The following UBE2R2 variants were observed in gnomAD, a reference collection of about 807,000 sequenced individuals.
The protein encoded by UBE2R2 is ubiquitin-conjugating enzyme E2 R2.
In UBE2R2, 1 loss-of-function variant was observed where a neutral mutation model predicts 27.8. That is an observed-to-expected ratio of 0.04 (90% CI 0.01 to 0.17). The LOEUF is 0.17. Ranked by LOEUF, UBE2R2 falls within the 10% of genes least tolerant of loss-of-function variation. UBE2R2 has a pLI of 1.00. For missense variants in UBE2R2, 100 were observed against 291.0 expected (o/e 0.34, Z 4.78); for synonymous variants, 106 against 113.3 (o/e 0.94, Z 0.41).
At chr9:33,826,480 C>T (rs1036435757) in intron 1 of UBE2R2, among the ~76,000 whole-genome samples, 1 of 152,064 alleles carries the variant, frequency 6.6e-6, no homozygotes, top group Non-Finnish European at 1.5e-5. Flanking sequence ...AGGCGGATCA[C>T]GAGGCCAGGA....
intron 1 of UBE2R2, among the ~76,000 whole-genome samples, chr9:33,837,889 G>A (rs1390497170): frequency 2.0e-5 from 3 of 151,932 alleles, no homozygotes; most frequent in African/African-American, 4.8e-5. Flanking sequence ...CATGGTTGTC[G>A]TTTCTCCTAT....
Position 33,817,580 on chromosome 9 carries a change from G to C in UBE2R2, c.-178G>C. On this transcript the variant is annotated 5_prime_UTR_variant, in exon 1 of 5. Coordinates refer to ENST00000263228, the MANE Select transcript of UBE2R2 (RefSeq NM_017811.4). ...GCCCGGCCTGCGTCGTGTGTGAGGA[G>C]GACCCCGGGCGGGCCCACGGGCCGT... The C allele has an allele frequency of 1.7e-6, 1 of 591,022 alleles. No individual in the cohort carries two copies. Among genetic ancestry groups the C allele is most frequent in the Non-Finnish European group, 2.2e-6 (1 of 450,618 alleles). The allele number at this position is 591,022 out of a possible 1,614,324, so 36.6% of individuals were successfully genotyped here. A position where few individuals can be genotyped will look rare whatever the true frequency, so the allele number is the denominator to read the frequency against.
intron 1 of UBE2R2, among the ~76,000 whole-genome samples, chr9:33,848,282 A>G (rs927592852): frequency 4.6e-5 from 7 of 152,164 alleles, no homozygotes; most frequent in African/African-American, 1.7e-4. Flanking sequence ...GCCAGCTCCA[A>G]TATCTGAATC....
rs773824303 is a variant in UBE2R2 at position 33,817,844 on chromosome 9, G to A, written c.87G>A (p.Arg29=). 15 of 1,612,710 alleles carry A rather than the reference G, an allele frequency of 9.3e-6. No homozygotes were observed. Among genetic ancestry groups the A allele is most frequent in the African/African-American group, 8.0e-5 (6 of 74,756 alleles). ...SLQEEPVEGF[R]ITLVDESDLY... ...AGGAGGAACCGGTGGAGGGCTTCCG[G>A]ATCACCCTGGTGGACGAGTCCGACC... Residue 29 remains arginine, a synonymous_variant, in exon 1 of 5, where the codon CGG becomes CGA. Transcript: ENST00000263228.
intron 1 of UBE2R2, among the ~76,000 whole-genome samples, chr9:33,827,463 A>T (rs895825065): frequency 9.9e-5 from 15 of 152,178 alleles, no homozygotes; most frequent in African/African-American, 3.6e-4. Flanking sequence ...CAACATGGCG[A>T]AACGCTGTCT....
intron 1 of UBE2R2, among the ~76,000 whole-genome samples, chr9:33,868,104 G>A (rs535550269): frequency 1.8e-4 from 28 of 152,302 alleles, no homozygotes; most frequent in African/African-American, 6.7e-4. Context: ...AAGGGGATGG[G>A]AAGGTGATCT....
rs1822673515 is a variant in UBE2R2, at chr9:33,917,346, G to A, written c.*109G>A. On this transcript the variant is annotated 3_prime_UTR_variant, in exon 5 of 5. Transcript: ENST00000263228. ...AGCAAAAACCTATTCACAGCGGGTG[G>A]GGAAACACACACAGCTCCTGCTGAC... 2 of 1,519,186 alleles carry A rather than the reference G, an allele frequency of 1.3e-6. No individual in the cohort carries two copies. Among genetic ancestry groups the A allele is most frequent in the African/African-American group, 1.4e-5 (1 of 72,834 alleles). The allele number at this position is 1,519,186 out of a possible 1,614,324, so 94.1% of individuals were successfully genotyped here.
intron 1 of UBE2R2, among the ~76,000 whole-genome samples, chr9:33,869,801 T>G (rs1821445647): frequency 6.6e-6 from 1 of 152,034 alleles, no homozygotes; most frequent in Non-Finnish European, 1.5e-5. Context: ...AGGGTACATC[T>G]TTGCCTAGAT....
chr9:33,900,484 A>G (rs114300221), intron 3 of UBE2R2, among the ~76,000 whole-genome samples: 1,627 of 152,226 alleles, frequency 0.011, 8 homozygotes, highest in Middle Eastern at 0.02. Flanking sequence ...TCATTTCCCT[A>G]TGTTCACTTA....
intron 1 of UBE2R2, among the ~76,000 whole-genome samples, chr9:33,865,486 A>G (rs546310799): frequency 2.0e-5 from 3 of 152,122 alleles, no homozygotes; most frequent in Admixed American, 6.5e-5. Context: ...GTGAGCCACC[A>G]CGCCTGGCCT....
intron 1 of UBE2R2, among the ~76,000 whole-genome samples, chr9:33,819,660 A>G (rs1410054236): frequency 6.7e-6 from 1 of 148,788 alleles, no homozygotes; most frequent in East Asian, 2.0e-4. Context: ...TTTTTTTGAG[A>G]CGGAGTCTCG....
At chr9:33,845,989 G>A (rs539440443) in intron 1 of UBE2R2, among the ~76,000 whole-genome samples, 1 of 152,230 alleles carries the variant, frequency 6.6e-6, no homozygotes, top group Admixed American at 6.5e-5. Context: ...AATTAGGCAA[G>A]GTGGCGGGTA....
rs527325582 is a variant in UBE2R2 at position 33,817,323 on chromosome 9, C to T, written c.-435C>T. On this transcript the variant is annotated 5_prime_UTR_variant, in exon 1 of 5. Coordinates refer to ENST00000263228, the MANE Select transcript of UBE2R2 (RefSeq NM_017811.4). ...CCCGCGCGCCCTCCGGCCCCTGCGGCCCCCGAAGAGAACGAGAGGGCGAGC... is the reference window on the plus strand; with the variant it reads ...CCCGCGCGCCCTCCGGCCCCTGCGGTCCCCGAAGAGAACGAGAGGGCGAGC... Among the ~76,000 whole-genome samples, 1 of 149,640 alleles carries T rather than the reference C, an allele frequency of 6.7e-6. No individual in the cohort carries two copies. Among genetic ancestry groups the T allele is most frequent in the Non-Finnish European group, 1.5e-5 (1 of 66,978 alleles).
chr9:33,860,942 T>TTTTGTTTG (rs1183030601), intron 1 of UBE2R2, among the ~76,000 whole-genome samples: 3 of 150,546 alleles, frequency 2.0e-5, no homozygotes, highest in Non-Finnish European at 3.0e-5. Context: ...TTAAGTTTTT[T>TTTTGTTTG]TTTGTTTGTT....
rs749159569 is a variant in UBE2R2 at position 33,917,035 on chromosome 9, C to G, written c.515C>G (p.Thr172Ser). 1 of 1,614,220 alleles carries G rather than the reference C, an allele frequency of 6.2e-7. No homozygotes were observed. The highest frequency in any genetic ancestry group is 8.5e-7 in the Non-Finnish European group (1 of 1,180,044). The change falls in exon 5 of 5, where the codon ACT becomes AGT. Residue 172 changes from threonine (T) to serine (S), a missense_variant. Thr to Ser is a moderately conservative substitution (Grantham distance 58). Around this residue, in one of 3 missense-constraint regions of UBE2R2, gnomAD observed 55 missense variants for 122.6 expected, o/e 0.45. Coordinates refer to ENST00000263228, the MANE Select transcript of UBE2R2 (RefSeq NM_017811.4). ...CCCTTCAGGAAACAAGTTTCAGCCACTAAGGCCGAAGCAGAAAAGGATGGA... is the reference window on the plus strand; with the variant it reads ...CCCTTCAGGAAACAAGTTTCAGCCAGTAAGGCCGAAGCAGAAAAGGATGGA... Reference protein sequence around the residue: ...AEIIRKQVSATKAEAEKDGVK... With the variant: ...AEIIRKQVSASKAEAEKDGVK...
At chr9:33,881,828 C>G (rs1273533540) in intron 1 of UBE2R2, among the ~76,000 whole-genome samples, 1 of 152,118 alleles carries the variant, frequency 6.6e-6, no homozygotes. Flanking sequence ...CCAGATTTCT[C>G]TACGGTAGAG....
At chr9:33,847,669 A>G (rs558325223) in intron 1 of UBE2R2, among the ~76,000 whole-genome samples, 33 of 147,604 alleles carry the variant, frequency 2.2e-4, no homozygotes, top group African/African-American at 7.0e-4. Context: ...ATTTTTGACT[A>G]TGTTCTGTGT....
rs749987839 is a variant in UBE2R2 at position 33,897,024 on chromosome 9, A to ATTTTTTTTTTTT, written c.265-3131_265-3120dup. ...CCAAGTAGCATACTTCTGTGGCCTA[A>ATTTTTTTTTTTT]TTTTTTTTTTTTTTTTTTTTTTTTT... On this transcript the variant is annotated intron_variant, in intron 2 of 4. Coordinates refer to ENST00000263228, the MANE Select transcript of UBE2R2 (RefSeq NM_017811.4). 2.2e-4 allele frequency among the ~76,000 whole-genome samples: 9 copies of ATTTTTTTTTTTT among 40,634 alleles called. 3 individuals carry two copies. The East Asian group carries it at 3.8e-3, about 17-fold the overall frequency. 26.7% of individuals were successfully genotyped at this position (40,634 alleles called of 152,430 possible).
chr9:33,886,012 T>G (rs1440311043), intron 1 of UBE2R2, among the ~76,000 whole-genome samples: 2 of 152,204 alleles, frequency 1.3e-5, no homozygotes, highest in Middle Eastern at 6.3e-3. Flanking sequence ...GCAGATACTG[T>G]CAGTCATCCA....
Sources: allele counts gnomAD v4.1 joint callset (sites outside exome capture counted in the v4.1 genomes callset), GRCh38; gene constraint gnomAD v4.1.1; regional missense constraint gnomAD v4.1.1; transcripts MANE v1.5; gene names NCBI Gene and HGNC (gene_info 2026-07-23, HGNC 2026-07-21).